The following VPS13D variants were observed in gnomAD, a reference collection of about 807,000 sequenced individuals.
The protein encoded by VPS13D is vacuolar protein sorting 13 homolog D.
In VPS13D, 187 loss-of-function variants were observed where a neutral mutation model predicts 461.9. That is an observed-to-expected ratio of 0.40 (90% CI 0.36 to 0.46). VPS13D has a LOEUF of 0.46. Among genes scored for constraint, VPS13D ranks in the 20% least tolerant of loss-of-function variants. The probability of loss-of-function intolerance (pLI) is 0.60; values close to 1 mark genes in which losing one functional copy is unlikely to be tolerated. For missense variants in VPS13D, 4,711 were observed against 5,364.9 expected, an observed-to-expected ratio of 0.88 and a Z score of 3.81; for synonymous variants, 1,951 against 1,986.3, an observed-to-expected ratio of 0.98 and a Z score of 0.47.
chr1:12,432,713 G>A (rs149155184), intron 65 of VPS13D, among the ~76,000 whole-genome samples: 2,918 of 151,184 alleles, frequency 0.019, 112 homozygotes, highest in Admixed American at 0.1. Flanking sequence ...CTCCCAACCC[G>A]GCCTCCTGAG....
intron 13 of VPS13D, among the ~76,000 whole-genome samples, chr1:12,265,593 T>C (rs1431537147): frequency 6.6e-6 from 1 of 151,590 alleles, no homozygotes; most frequent in Non-Finnish European, 1.5e-5. Flanking sequence ...TGGAAGGAGG[T>C]CAAAATATCA....
At chr1:12,275,198 G>A (rs1370511207) in intron 18 of VPS13D, among the ~76,000 whole-genome samples, 1 of 152,040 alleles carries the variant, frequency 6.6e-6, no homozygotes, top group African/African-American at 2.4e-5. Flanking sequence ...CAGCCTGGGT[G>A]ACAGAATGAG....
Position 12,293,682 on chromosome 1 carries a change from G to C in VPS13D, c.6011G>C (p.Arg2004Pro). The C allele has an allele frequency of 6.2e-7, 1 of 1,613,852 alleles. No homozygotes were observed. Among genetic ancestry groups the C allele is most frequent in the Admixed American group, 1.7e-5 (1 of 59,996 alleles). The part of the protein sequence containing the change: ...TQLQDVLGRQ[R>P]AAIEGQTVRD... ...CTGCAGGATGTCTTAGGGCGCCAGC[G>C]AGCTGCTATTGAGGGGCAGACGGTA... The change falls in exon 24 of 70, where the codon CGA becomes CCA. Residue 2004 changes from arginine to proline, a missense_variant. Physicochemically the swap from Arg to Pro is moderately radical, Grantham distance 103. Around this residue, in one of 3 missense-constraint regions of VPS13D, gnomAD observed 4,411 missense variants for 4,937.8 expected, o/e 0.89. Transcript: ENST00000620676.
chr1:12,463,391 G>A (rs547196145), intron 67 of VPS13D, among the ~76,000 whole-genome samples: 23 of 152,290 alleles, frequency 1.5e-4, no homozygotes, highest in African/African-American at 4.8e-4. Context: ...CATAGCAGCC[G>A]TTTCACCAAT....
intron 5 of VPS13D, among the ~76,000 whole-genome samples, chr1:12,247,383 C>T (rs1425461631): frequency 1.3e-5 from 2 of 150,698 alleles, no homozygotes; most frequent in South Asian, 2.1e-4. Flanking sequence ...CACCATTGCA[C>T]TCCAGCCTGG....
chr1:12,475,683 C>CT (rs1283708564), intron 67 of VPS13D, among the ~76,000 whole-genome samples: 1 of 152,234 alleles, frequency 6.6e-6, no homozygotes, highest in Non-Finnish European at 1.5e-5. Flanking sequence ...AGCCCTCCCT[C>CT]TGATTTCACC....
rs1478196223 is a variant in VPS13D, at chr1:12,260,683, A to G, written c.1111-10A>G. 12 of 1,613,162 alleles carry G rather than the reference A, an allele frequency of 7.4e-6. No homozygotes were observed. Among genetic ancestry groups the G allele is most frequent in the Non-Finnish European group, 9.3e-6 (11 of 1,179,382 alleles). Reference sequence around the variant, plus strand: ...TTTTTGTTTATTTGCTTTTGTTTTCACCCAAACAGGAGGAAATGTGTCGGA... The same window carrying G: ...TTTTTGTTTATTTGCTTTTGTTTTCGCCCAAACAGGAGGAAATGTGTCGGA... On this transcript the variant is annotated splice_polypyrimidine_tract_variant and intron_variant, in intron 10 of 69. Transcript: ENST00000620676.
intron 65 of VPS13D, among the ~76,000 whole-genome samples, chr1:12,446,808 C>G (rs1645198368): frequency 1.3e-5 from 2 of 152,176 alleles, no homozygotes; most frequent in Non-Finnish European, 2.9e-5. Context: ...AATCACTGGT[C>G]CCAATCTCCA....
At chr1:12,398,636 A>G (rs577618547) in intron 60 of VPS13D, among the ~76,000 whole-genome samples, 1 of 152,262 alleles carries the variant, frequency 6.6e-6, no homozygotes, top group East Asian at 1.9e-4. Context: ...GCCTCTAGAC[A>G]TCCATGCATG....
chr1:12,289,446 A>G (rs953046835), intron 22 of VPS13D, among the ~76,000 whole-genome samples: 1 of 152,178 alleles, frequency 6.6e-6, no homozygotes, highest in Non-Finnish European at 1.5e-5. Context: ...CAAAGATTAC[A>G]AAGCTCATGT....
chr1:12,501,237 T>C (rs1294902604), intron 68 of VPS13D, among the ~76,000 whole-genome samples: 1 of 152,186 alleles, frequency 6.6e-6, no homozygotes, highest in African/African-American at 2.4e-5. Flanking sequence ...CCATATAATA[T>C]TGATTCTAAT....
At chr1:12,256,753 T>C (rs772383113) in intron 8 of VPS13D, among the ~76,000 whole-genome samples, 1 of 151,966 alleles carries the variant, frequency 6.6e-6, no homozygotes, top group Non-Finnish European at 1.5e-5. Flanking sequence ...TAGTTTTGTT[T>C]TGGTATTTTT....
chr1:12,232,979 C>A, intron 1 of VPS13D, among the ~76,000 whole-genome samples: 1 of 151,066 alleles, frequency 6.6e-6, no homozygotes, highest in Non-Finnish European at 1.5e-5. Flanking sequence ...CCACCCCCAA[C>A]TTTATTCAGG....
In VPS13D at chr1:12,509,540, G is replaced by A. The variant is rs1278916585; in HGVS notation, c.*516G>A. The A allele has an allele frequency of 1.3e-5, 2 of 152,646 alleles. No homozygotes were observed. Among genetic ancestry groups the A allele is most frequent in the African/African-American group, 4.8e-5 (2 of 41,456 alleles). 9.5% of individuals were successfully genotyped at this position (152,646 alleles called of 1,614,324 possible). A position where few individuals can be genotyped will look rare whatever the true frequency, so the allele number is the denominator to read the frequency against. Reference sequence around the variant, plus strand: ...AGTTTTGGAGACTAAAGTATTCCCAGTAAAGTGGGTTGAGGTGAGGGCTGT... The same window carrying A: ...AGTTTTGGAGACTAAAGTATTCCCAATAAAGTGGGTTGAGGTGAGGGCTGT... On this transcript the variant is annotated 3_prime_UTR_variant, in exon 70 of 70. Transcript: ENST00000620676.
Position 12,230,078 on chromosome 1 carries a change from C to G in VPS13D, c.-119C>G, listed in dbSNP as rs1019135485. ...TTGAGGAGCGGCGGGGAGGAAACGC[C>G]GCGCAGCGCCGGGCTGGGGCGGGCG... On this transcript the variant is annotated 5_prime_UTR_variant, in exon 1 of 70. Transcript: ENST00000620676. 6.6e-6 allele frequency: 1 copy of G among 151,890 alleles called. No homozygotes were observed. The highest frequency in any genetic ancestry group is 1.5e-5 in the Non-Finnish European group (1 of 68,006). 9.4% of individuals were successfully genotyped at this position (151,890 alleles called of 1,614,324 possible).
intron 2 of VPS13D, among the ~76,000 whole-genome samples, chr1:12,239,494 G>A (rs1348214807): frequency 2.0e-5 from 3 of 152,210 alleles, no homozygotes; most frequent in Non-Finnish European, 4.4e-5. Flanking sequence ...CCCCACATTC[G>A]AGGTGGAATG....
Position 12,502,798 on chromosome 1 carries a change from G to C in VPS13D, c.12795-4055G>C, listed in dbSNP as rs1646052598. On this transcript the variant is annotated intron_variant, in intron 68 of 69. Coordinates refer to ENST00000620676, the MANE Select transcript of VPS13D (RefSeq NM_015378.4). The surrounding 1 kb of genome is among the most constrained non-coding windows in gnomAD (Gnocchi z 4.3). ...ATCTGCTGATGAGAGGATGTGTGGG[G>C]AAAGGAGGGGTCATCCCCCACAGGT... 6.6e-6 allele frequency among the ~76,000 whole-genome samples: 1 copy of C among 152,152 alleles called. No homozygotes were observed. Among genetic ancestry groups the C allele is most frequent in the South Asian group, 2.1e-4 (1 of 4,824 alleles).
In VPS13D at chr1:12,508,687, G is replaced by A. The variant is rs12075976; in HGVS notation, c.13036-206G>A. Among the ~76,000 whole-genome samples, 1,468 of 149,046 alleles carry A rather than the reference G, an allele frequency of 9.8e-3. 26 individuals carry two copies. The highest frequency in any genetic ancestry group is 0.033 in the African/African-American group (1,333 of 40,504). On this transcript the variant is annotated intron_variant, in intron 69 of 69. Coordinates refer to ENST00000620676, the MANE Select transcript of VPS13D (RefSeq NM_015378.4). ...ATTGCGCCTAGGCGACAGAGACTCC[G>A]TCTCAAAAAAAAAAAAAAAATTGCA...
rs1440581922 is a variant in VPS13D, at chr1:12,401,654, A to C, written c.11831A>C (p.Lys3944Thr). Residue 3944 changes from lysine to threonine, a missense_variant, in exon 62 of 70, where the codon AAA (lysine) becomes ACA (threonine). Lys to Thr is a moderately conservative substitution (Grantham distance 78). This residue lies in a region of VPS13D where 4,411 missense variants were observed against 4,937.8 expected (regional missense o/e 0.89). Coordinates refer to ENST00000620676, the MANE Select transcript of VPS13D (RefSeq NM_015378.4). ...AGATTCACAGTGCAAATTGAGGAGA[A>C]ACTGCTCCTCAAGCTGCTAAGTTTC... ...AQRFTVQIEE[K>T]LLLKLLSFFG... The C allele has an allele frequency of 1.2e-6, 2 of 1,613,552 alleles. No individual in the cohort carries two copies. Among genetic ancestry groups the C allele is most frequent in the East Asian group, 4.5e-5 (2 of 44,882 alleles).
Sources: gnomAD v4.1 joint callset for allele counts (sites outside exome capture counted in the v4.1 genomes callset) on GRCh38, gnomAD v4.1.1 for gene constraint, gnomAD v4.1.1 regional missense constraint, Gnocchi (gnomAD v3.1) non-coding constraint, MANE v1.5 for transcripts, NCBI Gene and HGNC (gene_info 2026-07-23, HGNC 2026-07-21) for gene names.